KCNIP4: variants seen among roughly 807,000 people sequenced by gnomAD.
The protein encoded by KCNIP4 is potassium voltage-gated channel interacting protein 4, also known as Kv channel-interacting protein 4.
A neutral mutation model predicts 34.0 loss-of-function variants in KCNIP4; 12 were observed. The ratio of observed to expected loss-of-function variants is 0.35; its 90% CI spans 0.23 to 0.57. The LOEUF is 0.57. Ranked by LOEUF, KCNIP4 falls within the 20% of genes least tolerant of loss-of-function variation. The pLI, the probability that KCNIP4 is intolerant of heterozygous loss-of-function variation, is 0.83. For synonymous variants in KCNIP4, 124 were observed against 102.2 expected (o/e 1.21, Z -1.29); for missense variants, 238 against 311.7 (o/e 0.76, Z 1.78).
chr4:21,679,014 C>T (rs1221666344), intron 1 of KCNIP4, among the ~76,000 whole-genome samples: 1 of 152,088 alleles, frequency 6.6e-6, no homozygotes, highest in African/African-American at 2.4e-5. Context: ...AAGCACACAG[C>T]ATAGATGGCA....
At chr4:21,612,217 G>A (rs1045132427) in intron 1 of KCNIP4, among the ~76,000 whole-genome samples, 11 of 152,134 alleles carry the variant, frequency 7.2e-5, no homozygotes, top group African/African-American at 2.7e-4. Flanking sequence ...TCAGAATACA[G>A]CATCACTGAA....
chr4:21,235,931 A>AATTG (rs1362387012), intron 1 of KCNIP4, among the ~76,000 whole-genome samples: 84 of 152,162 alleles, frequency 5.5e-4, no homozygotes, highest in Non-Finnish European at 4.7e-4. Flanking sequence ...GAAAGGAGAA[A>AATTG]ATTGAACATA....
At chr4:21,772,211 G>A (rs1409695314) in intron 1 of KCNIP4, among the ~76,000 whole-genome samples, 11 of 152,142 alleles carry the variant, frequency 7.2e-5, no homozygotes, top group Admixed American at 2.6e-4. Context: ...TTCTGTTTAC[G>A]TGATGGATGA....
intron 3 of KCNIP4, among the ~76,000 whole-genome samples, chr4:20,830,403 T>C (rs892734418): frequency 3.9e-5 from 6 of 152,200 alleles, no homozygotes; most frequent in Non-Finnish European, 8.8e-5. Context: ...AAAATTCCCT[T>C]GGTTGAGGGC....
At chr4:21,835,823 T>C (rs750815664) in intron 1 of KCNIP4, among the ~76,000 whole-genome samples, 19 of 152,140 alleles carry the variant, frequency 1.2e-4, no homozygotes, top group Non-Finnish European at 2.1e-4. Context: ...AAATGAGGCA[T>C]ATTTGATTCA....
At chr4:20,755,829 A>G (rs893479169) in intron 4 of KCNIP4, among the ~76,000 whole-genome samples, 4 of 152,174 alleles carry the variant, frequency 2.6e-5, no homozygotes, top group African/African-American at 9.6e-5. Flanking sequence ...AAGGCCCAGG[A>G]GCAGCATCAT....
At chr4:21,902,989 T>A (rs1727792977) in intron 1 of KCNIP4, among the ~76,000 whole-genome samples, 1 of 152,078 alleles carries the variant, frequency 6.6e-6, no homozygotes. Flanking sequence ...GGGTATGAAA[T>A]GGAAAGCCTG....
At chr4:21,346,499 T>C (rs1717436895) in intron 1 of KCNIP4, among the ~76,000 whole-genome samples, 3 of 150,796 alleles carry the variant, frequency 2.0e-5, no homozygotes, top group Admixed American at 6.7e-5. Context: ...CACTAACAAA[T>C]AGGATTTGGA....
At chr4:20,914,764 G>C (rs1408942895) in intron 1 of KCNIP4, among the ~76,000 whole-genome samples, 1 of 152,132 alleles carries the variant, frequency 6.6e-6, no homozygotes, top group Non-Finnish European at 1.5e-5. Flanking sequence ...TGGCCAAACA[G>C]TATAGAAATA....
intron 1 of KCNIP4, among the ~76,000 whole-genome samples, chr4:21,391,654 A>G (rs1722572451): frequency 6.6e-6 from 1 of 152,076 alleles, no homozygotes; most frequent in Non-Finnish European, 1.5e-5. Flanking sequence ...TACATCACTC[A>G]GCTGGAAAAC....
At chr4:21,296,720 T>C (rs931033330) in intron 1 of KCNIP4, among the ~76,000 whole-genome samples, 16 of 152,002 alleles carry the variant, frequency 1.1e-4, no homozygotes, top group Non-Finnish European at 2.1e-4. Flanking sequence ...CTATGAGAAC[T>C]GAAACACACA....
intron 1 of KCNIP4, chr4:21,844,708 A>G (rs1210904808): frequency 6.6e-6 from 1 of 152,038 alleles, no homozygotes; most frequent in Non-Finnish European, 1.5e-5. Context: ...CAAAACCCAA[A>G]TATGTCCCTG....
At chr4:21,437,589 C>T (rs999330406) in intron 1 of KCNIP4, among the ~76,000 whole-genome samples, 4 of 152,144 alleles carry the variant, frequency 2.6e-5, no homozygotes, top group African/African-American at 7.2e-5. Context: ...CTAGGTGCAA[C>T]TTATATTTAC....
chr4:21,452,958 T>A (rs551759772), intron 1 of KCNIP4, among the ~76,000 whole-genome samples: 1 of 152,308 alleles, frequency 6.6e-6, no homozygotes, highest in East Asian at 1.9e-4. Context: ...ATATACTTAT[T>A]CAAGAAGAGG....
intron 1 of KCNIP4, among the ~76,000 whole-genome samples, chr4:21,634,814 C>T (rs1309880191): frequency 6.6e-6 from 1 of 152,126 alleles, no homozygotes; most frequent in Non-Finnish European, 1.5e-5. Context: ...CAACTCTGAA[C>T]AGAATATTAT....
intron 1 of KCNIP4, among the ~76,000 whole-genome samples, chr4:21,606,613 A>T (rs1319345744): frequency 1.3e-5 from 2 of 151,950 alleles, no homozygotes; most frequent in Non-Finnish European, 2.9e-5. Context: ...TTTGTTTTTG[A>T]GACAGAGTCT....
chr4:21,347,736 A>T (rs184048192), intron 1 of KCNIP4, among the ~76,000 whole-genome samples: 3 of 152,286 alleles, frequency 2.0e-5, no homozygotes, highest in Admixed American at 2.0e-4. Flanking sequence ...ATCTTTTTGT[A>T]ATGTGACAGC....
chr4:21,687,475 G>A (rs1163719133), intron 1 of KCNIP4, among the ~76,000 whole-genome samples: 1 of 152,076 alleles, frequency 6.6e-6, no homozygotes, highest in East Asian at 1.9e-4. Flanking sequence ...AATGAACATT[G>A]ACTGTGCACC....
intron 1 of KCNIP4, among the ~76,000 whole-genome samples, chr4:21,564,503 G>A (rs1280416477): frequency 6.6e-6 from 1 of 152,030 alleles, no homozygotes; most frequent in African/African-American, 2.4e-5. Context: ...TTTACATTCA[G>A]TCTTCTGCTC....
Sources: gnomAD v4.1 joint callset for allele counts (sites outside exome capture counted in the v4.1 genomes callset) on GRCh38, gnomAD v4.1.1 for gene constraint, MANE v1.5 for transcripts, NCBI Gene and HGNC (gene_info 2026-07-23, HGNC 2026-07-21) for gene names.